Variants in UIMC1 observed in about 807,000 individuals in gnomAD.
The protein encoded by UIMC1 is ubiquitin interaction motif containing 1.
Under a neutral mutation model 84.9 loss-of-function variants are expected in UIMC1, and 42 were observed. The ratio of observed to expected loss-of-function variants is 0.49; its 90% confidence interval spans 0.39 to 0.64. The LOEUF is 0.64. Ranked by LOEUF, UIMC1 falls within the 30% of genes least tolerant of loss-of-function variation. The probability of loss-of-function intolerance (pLI) is 0.00; values close to 1 mark genes in which losing one functional copy is unlikely to be tolerated. For missense variants in UIMC1, 825 were observed against 847.6 expected (o/e 0.97, Z 0.33); for synonymous variants, 281 against 293.0 (o/e 0.96, Z 0.42).
chr5:176,908,685 C>T lies in UIMC1; in HGVS notation c.1686G>A (p.Lys562=), dbSNP rs201344866. 457 of 1,612,864 alleles carry T rather than the reference C, an allele frequency of 2.8e-4. No individual in the cohort carries two copies. In the Middle Eastern group the frequency reaches 4.5e-3, roughly 16 times the overall value. ...QTSLDIDKNE[K]CYLCKSLVPF... ...GGACCAGGGATTTACAGAGGTAACA[C>T]TTCTCATTCCTATCCAATAAGAAAA... The change falls in exon 12 of 15, where the codon AAG becomes AAA. Residue 562 remains lysine, a synonymous_variant. Coordinates refer to ENST00000511320, the MANE Select transcript of UIMC1 (RefSeq NM_001199298.2).
In UIMC1 at chr5:176,979,188, A is replaced by G. The variant is rs141050755; in HGVS notation, c.147+3281T>C. 7.2e-5 allele frequency among the ~76,000 whole-genome samples: 11 copies of G among 152,338 alleles called. No homozygotes were observed. The East Asian group carries it at 1.7e-3, about 24-fold the overall frequency. ...ACCTGGGGAATGGAGAGATTATTGG[A>G]AAGTGTTGGTAGATATGTCTAATCA... On this transcript the variant is annotated intron_variant, in intron 2 of 14. Transcript: ENST00000511320.
chr5:176,949,001 T>TA lies in UIMC1; in HGVS notation c.1443+2472_1443+2473insT, dbSNP rs200551369. Among the ~76,000 whole-genome samples, 479 of 140,372 alleles carry TA rather than the reference T, an allele frequency of 3.4e-3. 1 individual carries two copies. The highest frequency in any genetic ancestry group is 0.016 in the East Asian group (76 of 4,812). The allele number at this position is 140,372 out of a possible 152,430, so 92.1% of individuals were successfully genotyped here. A position where few individuals can be genotyped will look rare whatever the true frequency, so the allele number is the denominator to read the frequency against. On this transcript the variant is annotated intron_variant, in intron 9 of 14. Transcript: ENST00000511320. ...AACTTCTTTTAATGGAAACTTTTTT[T>TA]TAAAATATTTTCCTACTATATTTAT...
upstream of UIMC1, among the ~76,000 whole-genome samples, chr5:177,010,724 T>C (rs1446135688): frequency 6.6e-6 from 1 of 152,090 alleles, no homozygotes; most frequent in African/African-American, 2.4e-5. Flanking sequence ...GGTTTCACCA[T>C]GTTGGCCAAG....
intron 1 of UIMC1, among the ~76,000 whole-genome samples, chr5:177,015,732 C>T (rs1252861429): frequency 1.3e-5 from 2 of 152,140 alleles, no homozygotes; most frequent in Non-Finnish European, 2.9e-5. Context: ...TAAATTAAAA[C>T]CTGGCATCCC....
chr5:176,959,810 T>C (rs1767108943), intron 6 of UIMC1, among the ~76,000 whole-genome samples: 1 of 151,612 alleles, frequency 6.6e-6, no homozygotes, highest in African/African-American at 2.4e-5. Flanking sequence ...GGTGGGCGGA[T>C]CACCTGAGGT....
intron 9 of UIMC1, 98 bp downstream of exon 9, chr5:176,951,376 G>A: frequency 1.1e-6 from 1 of 880,272 alleles, no homozygotes; most frequent in South Asian, 3.2e-5. Flanking sequence ...AAAACCCCCT[G>A]CCACCTAAAT....
At chr5:176,968,338 A>T (rs1345842447) in intron 6 of UIMC1, among the ~76,000 whole-genome samples, 1 of 151,378 alleles carries the variant, frequency 6.6e-6, no homozygotes, top group Non-Finnish European at 1.5e-5. Flanking sequence ...GCGCCATTGC[A>T]CTCCAGCCTG....
chr5:176,940,391 C>T (rs1315243963), intron 10 of UIMC1, among the ~76,000 whole-genome samples: 1 of 152,128 alleles, frequency 6.6e-6, no homozygotes, highest in African/African-American at 2.4e-5. Context: ...TCATATATTC[C>T]TAGAGCTCAA....
At chr5:176,923,873 AAAT>A (rs1397905638) in intron 10 of UIMC1, among the ~76,000 whole-genome samples, 1 of 114,386 alleles carries the variant, frequency 8.7e-6, no homozygotes, top group Non-Finnish European at 1.8e-5. Context: ...CAAAAAAAAA[AAAT>A]ATATATATAT....
intron 10 of UIMC1, among the ~76,000 whole-genome samples, chr5:176,940,109 G>A (rs1281777615): frequency 6.6e-6 from 1 of 152,130 alleles, no homozygotes; most frequent in Non-Finnish European, 1.5e-5. Flanking sequence ...GGTTCTAGTG[G>A]CATAAGTCTG....
At chr5:176,958,228 T>G in intron 6 of UIMC1, 74 bp from the exon 7 acceptor site, 1 of 1,313,558 alleles carries the variant, frequency 7.6e-7, no homozygotes, top group Non-Finnish European at 1.1e-6. Flanking sequence ...TTAAAAAAAT[T>G]TAATTGTTCA....
At chr5:176,976,872 G>A (rs1770155952) in intron 2 of UIMC1, among the ~76,000 whole-genome samples, 1 of 152,210 alleles carries the variant, frequency 6.6e-6, no homozygotes, top group African/African-American at 2.4e-5. Flanking sequence ...GACTGGCACA[G>A]TATAGTGTGG....
intron 10 of UIMC1, among the ~76,000 whole-genome samples, chr5:176,912,756 C>T (rs575048669): frequency 1.6e-3 from 245 of 152,172 alleles, no homozygotes; most frequent in African/African-American, 5.7e-3. Flanking sequence ...ACCTCCGCCT[C>T]CCGAGTTCAA....
intron 10 of UIMC1, among the ~76,000 whole-genome samples, chr5:176,924,640 ATCAAT>A (rs1366466433): frequency 6.6e-6 from 1 of 152,178 alleles, no homozygotes; most frequent in East Asian, 1.9e-4. Context: ...ATACACAAAA[ATCAAT>A]TCAAGATGTA....
At chr5:176,905,896 CCA>C in intron 14 of UIMC1, 113 bp downstream of exon 14, 2 of 1,133,130 alleles carry the variant, frequency 1.8e-6, no homozygotes, top group East Asian at 2.4e-5. Context: ...CATAATAGTT[CCA>C]CAGTGATTTC....
At chr5:176,966,142 T>C (rs1294318920) in intron 6 of UIMC1, among the ~76,000 whole-genome samples, 2 of 152,224 alleles carry the variant, frequency 1.3e-5, no homozygotes, top group Non-Finnish European at 2.9e-5. Context: ...ATGAAGATGG[T>C]TACTAGGAAA....
At chr5:176,921,005 T>C (rs1330154550) in intron 10 of UIMC1, among the ~76,000 whole-genome samples, 3 of 152,248 alleles carry the variant, frequency 2.0e-5, no homozygotes, top group Non-Finnish European at 4.4e-5. Context: ...TTGAATTCTC[T>C]CAAATGCTTT....
chr5:176,979,082 T>A (rs1307251620), intron 2 of UIMC1, among the ~76,000 whole-genome samples: 2 of 152,120 alleles, frequency 1.3e-5, no homozygotes, highest in Non-Finnish European at 2.9e-5. Context: ...TAAAAATATG[T>A]GACAGATTAA....
At chr5:176,998,557 C>A (rs1454348626) in intron 1 of UIMC1, among the ~76,000 whole-genome samples, 1 of 150,036 alleles carries the variant, frequency 6.7e-6, no homozygotes. Flanking sequence ...CACCTAAGGT[C>A]AGGAGTTCGA....
Sources: gnomAD v4.1 joint callset for allele counts (sites outside exome capture counted in the v4.1 genomes callset) on GRCh38, gnomAD v4.1.1 for gene constraint, MANE v1.5 for transcripts, NCBI Gene and HGNC (gene_info 2026-07-23, HGNC 2026-07-21) for gene names.